RARA: variants seen among roughly 807,000 people sequenced by gnomAD.
RARA encodes the protein retinoic acid receptor alpha, also known as PML-DDX5-RARA fusion.
Under a neutral mutation model 42.8 loss-of-function variants are expected in RARA, and 5 were observed. The observed-to-expected ratio is 0.12, with a 90% CI of 0.06 to 0.25. The LOEUF (loss-of-function observed/expected upper bound fraction) is 0.25, where lower values mean the gene tolerates loss of function less well. RARA is among the 10% of genes least tolerant of loss of function. The pLI is 1.00. For synonymous variants in RARA, 256 were observed against 259.5 expected, an observed-to-expected ratio of 0.99 and a Z score of 0.13; for missense variants, 402 against 628.7, an observed-to-expected ratio of 0.64 and a Z score of 3.86.
At chr17:40,346,706 A>G (rs1448583424) in intron 2 of RARA, among the ~76,000 whole-genome samples, 1 of 149,152 alleles carries the variant, frequency 6.7e-6, no homozygotes, top group Non-Finnish European at 1.5e-5. Context: ...CCTGGGGAGA[A>G]TGAGGTGGGA....
chr17:40,316,060 C>T (rs1180634582), intron 1 of RARA, among the ~76,000 whole-genome samples: 2 of 152,254 alleles, frequency 1.3e-5, no homozygotes, highest in African/African-American at 4.8e-5. Flanking sequence ...ATTGAAGACT[C>T]CTGGTCCCCC....
chr17:40,323,945 A>G (rs1160088882), intron 1 of RARA, among the ~76,000 whole-genome samples: 2 of 151,952 alleles, frequency 1.3e-5, no homozygotes, highest in African/African-American at 2.4e-5. Context: ...GACTCAGAAT[A>G]TGGCATACGC....
At chr17:40,338,093 T>C (rs115652081) in intron 2 of RARA, among the ~76,000 whole-genome samples, 19 of 152,356 alleles carry the variant, frequency 1.2e-4, no homozygotes, top group Non-Finnish European at 2.1e-4. Context: ...GATCCCAGCA[T>C]AGACGCGGGG....
chr17:40,350,057 C>T (rs2034392951), intron 4 of RARA, 132 bp downstream of exon 4: 7 of 1,376,136 alleles, frequency 5.1e-6, no homozygotes, highest in East Asian at 2.5e-5. Flanking sequence ...TGCGGGCTCA[C>T]GGTTGAGGAT....
chr17:40,319,217 TCTC>T (rs2033298564), intron 1 of RARA, among the ~76,000 whole-genome samples: 1 of 152,052 alleles, frequency 6.6e-6, no homozygotes, highest in African/African-American at 2.4e-5. Context: ...TGTCCCCTCA[TCTC>T]CTCTCTGGGC....
At chr17:40,347,567 CCAGA>C (rs2034308143) in intron 2 of RARA, among the ~76,000 whole-genome samples, 1 of 152,136 alleles carries the variant, frequency 6.6e-6, no homozygotes, top group Non-Finnish European at 1.5e-5. Flanking sequence ...AGTATTGAGG[CCAGA>C]CAGACAGAGC....
intron 1 of RARA, among the ~76,000 whole-genome samples, chr17:40,323,770 G>T (rs2033460905): frequency 6.9e-6 from 1 of 144,532 alleles, no homozygotes; most frequent in Non-Finnish European, 1.5e-5. Flanking sequence ...GTATGGGGCA[G>T]GGCACAGTCT....
chr17:40,322,831 G>T (rs2033429225), intron 1 of RARA, among the ~76,000 whole-genome samples: 1 of 152,022 alleles, frequency 6.6e-6, no homozygotes, highest in African/African-American at 2.4e-5. Flanking sequence ...CCTTCCTAGT[G>T]GTCCCCCTTC....
chr17:40,350,284 T>C, intron 4 of RARA: 1 of 234,612 alleles, frequency 4.3e-6, no homozygotes, highest in Non-Finnish European at 8.4e-6. Context: ...AGGCAGTCCC[T>C]TCTGATTGTG....
intron 2 of RARA, chr17:40,341,488 G>C (rs754087849): frequency 4.0e-6 from 6 of 1,501,586 alleles, no homozygotes; most frequent in Non-Finnish European, 5.3e-6. Flanking sequence ...GGCCCCGCGC[G>C]ACCCGGCCCT....
chr17:40,325,556 G>T (rs2033519826), intron 1 of RARA, among the ~76,000 whole-genome samples: 1 of 152,190 alleles, frequency 6.6e-6, no homozygotes, highest in South Asian at 2.1e-4. Context: ...GTTTCTAAAT[G>T]GTTCTAGTTT....
At chr17:40,316,888 C>A (rs946375935) in intron 1 of RARA, among the ~76,000 whole-genome samples, 1 of 152,148 alleles carries the variant, frequency 6.6e-6, no homozygotes, top group Non-Finnish European at 1.5e-5. Context: ...TCCGGCCCAG[C>A]AGGCGGGAAG....
At chr17:40,314,453 A>G (rs1048877846) in intron 1 of RARA, among the ~76,000 whole-genome samples, 41 of 147,708 alleles carry the variant, frequency 2.8e-4, no homozygotes, top group African/African-American at 1.0e-3. Flanking sequence ...TGGCAGGAGG[A>G]GGTGGGGCAG....
chr17:40,343,149 G>T (rs2034134833), intron 2 of RARA: 4 of 418,766 alleles, frequency 9.6e-6, no homozygotes. Context: ...CAGGAGAAAT[G>T]AAGCCCAAGC....
At chr17:40,329,465 C>T (rs977131419) in intron 1 of RARA, among the ~76,000 whole-genome samples, 24 of 152,268 alleles carry the variant, frequency 1.6e-4, no homozygotes, top group East Asian at 9.6e-4. Flanking sequence ...TGCCACCATG[C>T]GCAGCTAATT....
chr17:40,349,754 A>G (rs1477319484), intron 3 of RARA, 30 bp from the exon 4 acceptor site: 3 of 1,612,540 alleles, frequency 1.9e-6, no homozygotes, highest in Admixed American at 1.7e-5. Flanking sequence ...GTGGGTGTGG[A>G]CAACCTGACT....
chr17:40,317,241 C>A (rs189292888), intron 1 of RARA, among the ~76,000 whole-genome samples: 1 of 152,032 alleles, frequency 6.6e-6, no homozygotes, highest in Non-Finnish European at 1.5e-5. Flanking sequence ...TCTGTGGGGG[C>A]ACTTGTGGCC....
In RARA at chr17:40,345,464, C is replaced by G. The variant is rs1237235142; in HGVS notation, c.179-2852C>G. The G allele has an allele frequency of 6.6e-6, 1 of 152,262 alleles. No individual in the cohort carries two copies. Among genetic ancestry groups the G allele is most frequent in the Non-Finnish European group, 1.5e-5 (1 of 68,056 alleles). The allele number at this position is 152,262 out of a possible 1,614,324, so 9.4% of individuals were successfully genotyped here. On this transcript the variant is annotated intron_variant, in intron 2 of 8. Coordinates refer to ENST00000254066, the MANE Select transcript of RARA (RefSeq NM_000964.4). This position sits in a 1 kb window ranked among gnomAD's most constrained non-coding sequence, Gnocchi z 4.8. ...CTGATCTCCTCCAGGAAACCGGCCC[C>G]TTGTGCGAGCCTGCGAACGGCTCGG...
At chr17:40,315,367 C>T (rs567655157) in intron 1 of RARA, among the ~76,000 whole-genome samples, 1 of 151,844 alleles carries the variant, frequency 6.6e-6, no homozygotes, top group African/African-American at 2.4e-5. Flanking sequence ...CCCAGCCCTG[C>T]CATTGACAAG....
Sources: allele counts gnomAD v4.1 joint callset (sites outside exome capture counted in the v4.1 genomes callset), GRCh38; gene constraint gnomAD v4.1.1; non-coding constraint Gnocchi (gnomAD v3.1); transcripts MANE v1.5; gene names NCBI Gene and HGNC (gene_info 2026-07-23, HGNC 2026-07-21).